ZFC3H1: variants seen among roughly 807,000 people sequenced by gnomAD.
The protein encoded by ZFC3H1 is zinc finger C3H1 domain-containing protein.
ZFC3H1 carries 71 observed loss-of-function variants against 243.7 expected under a neutral mutation model. The observed-to-expected ratio is 0.29, with a 90% CI of 0.24 to 0.36. ZFC3H1 has a LOEUF of 0.36. Ranked by LOEUF, ZFC3H1 falls within the 10% of genes least tolerant of loss-of-function variation. The probability of loss-of-function intolerance (pLI) is 1.00; values close to 1 mark genes in which losing one functional copy is unlikely to be tolerated. For synonymous variants in ZFC3H1, 838 were observed against 813.0 expected, an observed-to-expected ratio of 1.03 and a Z score of -0.52; for missense variants, 1,966 against 2,317.1, an observed-to-expected ratio of 0.85 and a Z score of 3.11.
intron 2 of ZFC3H1, among the ~76,000 whole-genome samples, chr12:71,652,638 G>A (rs1435799158): frequency 3.3e-5 from 5 of 152,020 alleles, no homozygotes; most frequent in Admixed American, 2.0e-4. Flanking sequence ...AATCCTTCCC[G>A]TGTTACTCCA....
intron 2 of ZFC3H1, among the ~76,000 whole-genome samples, chr12:71,654,736 G>GT (rs991360818): frequency 1.3e-5 from 2 of 152,098 alleles, no homozygotes; most frequent in African/African-American, 4.8e-5. Context: ...CATAAAAAAT[G>GT]TGAGTAGACT....
At chr12:71,649,968 C>CACG (rs1359252550) in intron 2 of ZFC3H1, among the ~76,000 whole-genome samples, 1 of 152,154 alleles carries the variant, frequency 6.6e-6, no homozygotes, top group African/African-American at 2.4e-5. Flanking sequence ...GCGGGTGGAT[C>CACG]ACGAGGTCAG....
chr12:71,644,908 T>C lies in ZFC3H1; in HGVS notation c.1248A>G (p.Lys416=). The change falls in exon 4 of 35, where the codon AAA becomes AAG. Residue 416 remains lysine (K), a synonymous_variant. Coordinates refer to ENST00000378743, the MANE Select transcript of ZFC3H1 (RefSeq NM_144982.5). ...TGCTAACTTTTTTGGCCGAATGTGT[T>C]TTTGTACTTGTTTTAACTTTTTGCT... ...TVQQKVKTST[K]THSAKKVSTT... is the part of the protein sequence containing the mutation. 6.2e-7 allele frequency: 1 copy of C among 1,612,214 alleles called. No homozygotes were observed. Among genetic ancestry groups the C allele is most frequent in the Non-Finnish European group, 8.5e-7 (1 of 1,179,972 alleles).
intron 2 of ZFC3H1, among the ~76,000 whole-genome samples, chr12:71,656,049 A>G (rs1033595108): frequency 1.1e-4 from 16 of 152,218 alleles, no homozygotes; most frequent in Non-Finnish European, 2.2e-4. Flanking sequence ...ATACTGTATG[A>G]TTCCATTAGT....
At position 71,647,768 on chromosome 12, in the gene ZFC3H1, G is replaced by C; in HGVS notation, c.1061C>G (p.Ser354Ter). The C allele has an allele frequency of 6.8e-7, 1 of 1,478,064 alleles. No individual in the cohort carries two copies. Among genetic ancestry groups the C allele is most frequent in the Non-Finnish European group, 9.2e-7 (1 of 1,085,944 alleles). The allele number at this position is 1,478,064 out of a possible 1,614,324, so 91.6% of individuals were successfully genotyped here. ...TCTTACCTTTTCAGACAGAATATCT[G>C]AGGTACTAATTCTTCTTGTTAAATT... ...EQNLTRRIST[S>*]DILSEKKLGE... Residue 354 changes from serine to a stop codon, truncating the protein, a stop_gained, in exon 3 of 35, where the codon TCA becomes TGA. Transcript: ENST00000378743. LOFTEE classifies it high-confidence loss of function.
intron 14 of ZFC3H1, among the ~76,000 whole-genome samples, 170 bp from the exon 15 acceptor site, chr12:71,632,684 C>T (rs569865587): frequency 5.6e-4 from 85 of 152,230 alleles, no homozygotes; most frequent in Middle Eastern, 6.8e-3. Context: ...GCTAGTTAAT[C>T]TATGACTTAT....
intron 24 of ZFC3H1, among the ~76,000 whole-genome samples, chr12:71,621,460 T>C (rs1166084874): frequency 3.3e-5 from 5 of 151,990 alleles, no homozygotes; most frequent in Non-Finnish European, 5.9e-5. Context: ...CACACCACCA[T>C]GCCCGACTAG....
rs1236046455 is a variant in ZFC3H1 at position 71,614,542 on chromosome 12, T to G, written c.5519A>C (p.His1840Pro). The G allele has an allele frequency of 6.3e-7, 1 of 1,582,420 alleles. No homozygotes were observed. The highest frequency in any genetic ancestry group is 8.6e-7 in the Non-Finnish European group (1 of 1,169,502). The change falls in exon 30 of 35, where the codon CAT (histidine) becomes CCT (proline). Residue 1840 changes from histidine (H) to proline (P), a missense_variant. Transcript: ENST00000378743. ...SADYWSNYEF[H>P]NRVIFFYLSC... is the part of the protein sequence containing the mutation. ...AAAGTTTTGAGTTCTTACCCTATTA[T>G]GAAATTCATAGTTGGACCAGTAATC...
At chr12:71,626,527 T>G (rs1032195885) in intron 21 of ZFC3H1, 81 bp from the exon 22 acceptor site, 17 of 1,226,670 alleles carry the variant, frequency 1.4e-5, no homozygotes, top group Non-Finnish European at 1.6e-5. Context: ...ATGAGTCAAT[T>G]TTAAAATTCC....
At chr12:71,615,619 T>G (rs915058600) in intron 27 of ZFC3H1, among the ~76,000 whole-genome samples, 2 of 152,030 alleles carry the variant, frequency 1.3e-5, no homozygotes, top group Non-Finnish European at 2.9e-5. Flanking sequence ...CAGGTTCAAG[T>G]GATTCTCATG....
In ZFC3H1 at chr12:71,615,353, C is replaced by T. The variant is rs747821184; in HGVS notation, c.5145-37G>A. On this transcript the variant is annotated intron_variant, in intron 27 of 34. Coordinates refer to ENST00000378743, the MANE Select transcript of ZFC3H1 (RefSeq NM_144982.5). ...AATCCAAATATTGTTTTAAATTACA[C>T]CTACCCACACAGGAATTACACACAT... The T allele has an allele frequency of 1.7e-4, 217 of 1,306,158 alleles. 1 individual carries two copies. Among genetic ancestry groups the T allele is most frequent in the Non-Finnish European group, 2.1e-4 (191 of 916,686 alleles). The allele number at this position is 1,306,158 out of a possible 1,614,324, so 80.9% of individuals were successfully genotyped here.
At chr12:71,652,038 T>C (rs949127784) in intron 2 of ZFC3H1, among the ~76,000 whole-genome samples, 1 of 152,260 alleles carries the variant, frequency 6.6e-6, no homozygotes, top group African/African-American at 2.4e-5. Context: ...CAAGCTTGTA[T>C]ACGGACAATA....
chr12:71,628,901 A>G lies in ZFC3H1; in HGVS notation c.3946+17T>C. The G allele has an allele frequency of 6.4e-7, 1 of 1,572,830 alleles. No individual in the cohort carries two copies. The highest frequency in any genetic ancestry group is 8.6e-7 in the Non-Finnish European group (1 of 1,164,110). On this transcript the variant is annotated intron_variant, in intron 20 of 34. Transcript: ENST00000378743. ...ACAATTTAATAATTCTGGATCTTAAATTACATAACTTCTTACCATACTTAA... is the reference window on the plus strand; with the variant it reads ...ACAATTTAATAATTCTGGATCTTAAGTTACATAACTTCTTACCATACTTAA...
At chr12:71,644,795 G>A (rs1880686461) in intron 4 of ZFC3H1, 82 bp downstream of exon 4, 3 of 1,488,790 alleles carry the variant, frequency 2.0e-6, no homozygotes, top group South Asian at 2.6e-5. Context: ...TCCAGCCTGG[G>A]CGACAAGAGC....
In ZFC3H1 at chr12:71,636,836, G is replaced by T. The variant is rs1272363256; in HGVS notation, c.1935+14C>A. 1 of 1,613,272 alleles carries T rather than the reference G, an allele frequency of 6.2e-7. No homozygotes were observed. The highest frequency in any genetic ancestry group is 1.7e-5 in the Admixed American group (1 of 59,936). On this transcript the variant is annotated intron_variant, in intron 8 of 34. Coordinates refer to ENST00000378743, the MANE Select transcript of ZFC3H1 (RefSeq NM_144982.5). The stretch of plus-strand genomic sequence containing the variant: ...CTCAAGAGCACCACCTAGAGGTTTA[G>T]GTACCTAAATTACCTCTGGCTTAAA...
chr12:71,663,136 G>A lies in ZFC3H1; in HGVS notation c.475C>T (p.Arg159Trp). The change falls in exon 1 of 35, where the codon CGG (arginine) becomes TGG (tryptophan). Residue 159 changes from arginine to tryptophan, a missense_variant. Physicochemically the swap from Arg to Trp is moderately radical, Grantham distance 101. This residue lies in a region of ZFC3H1 where 484 missense variants were observed against 449.7 expected (regional missense o/e 1.08). Transcript: ENST00000378743. Reference sequence around the variant, plus strand: ...CCTCGCTCACCCACTCCTCGCCCCCGACTCCAGCGACTCCCACCCCGGTAA... The same window carrying A: ...CCTCGCTCACCCACTCCTCGCCCCCAACTCCAGCGACTCCCACCCCGGTAA... ...RPYRGGSRWS[R>W]GRGVGERGGK... 6.2e-7 allele frequency: 1 copy of A among 1,613,860 alleles called. No individual in the cohort carries two copies. The highest frequency in any genetic ancestry group is 8.5e-7 in the Non-Finnish European group (1 of 1,179,972).
rs1377796832 is a variant in ZFC3H1, at chr12:71,611,818, A to G, written c.5697T>C (p.Tyr1899=). 2 of 1,610,902 alleles carry G rather than the reference A, an allele frequency of 1.2e-6. No individual in the cohort carries two copies. The highest frequency in any genetic ancestry group is 1.7e-6 in the Non-Finnish European group (2 of 1,177,884). The change falls in exon 32 of 35, where the codon TAT becomes TAC. Residue 1899 remains tyrosine, a synonymous_variant. Coordinates refer to ENST00000378743, the MANE Select transcript of ZFC3H1 (RefSeq NM_144982.5). ...AGGTGGCCAGGCATGTTGGGATATTATATGTAAACATCTTGGCTTGAAGTT... is the reference window on the plus strand; with the variant it reads ...AGGTGGCCAGGCATGTTGGGATATTGTATGTAAACATCTTGGCTTGAAGTT... ...ILKLQAKMFT[Y]NIPTCLATWK...
chr12:71,623,397 T>C lies in ZFC3H1; in HGVS notation c.4707A>G (p.Val1569=), dbSNP rs1206217804. 1 of 1,613,276 alleles carries C rather than the reference T, an allele frequency of 6.2e-7. No individual in the cohort carries two copies. The highest frequency in any genetic ancestry group is 1.1e-5 in the South Asian group (1 of 90,944). Residue 1569 remains valine (V), a synonymous_variant, in exon 24 of 35, where the codon GTA becomes GTG. Transcript: ENST00000378743. ...CTAACAACATGTCAGGATTAGTCTT[T>C]ACATCTTGAACAGCTTGCCATGGCA... The part of the protein sequence containing the change: ...FVMPWQAVQD[V]KTNPDMLLAV...
At chr12:71,612,056 T>C (rs1441152074) in intron 31 of ZFC3H1, among the ~76,000 whole-genome samples, 169 bp from the exon 32 acceptor site, 1 of 152,122 alleles carries the variant, frequency 6.6e-6, no homozygotes, top group African/African-American at 2.4e-5. Flanking sequence ...GGGACAGGAA[T>C]GTGCAAACTA....
Sources: gnomAD v4.1 joint callset for allele counts (sites outside exome capture counted in the v4.1 genomes callset) on GRCh38, gnomAD v4.1.1 for gene constraint, gnomAD v4.1.1 regional missense constraint, MANE v1.5 for transcripts, NCBI Gene and HGNC (gene_info 2026-07-23, HGNC 2026-07-21) for gene names.